Variants in NPHP1 observed in about 807,000 individuals in gnomAD.
NPHP1 encodes nephrocystin-1.
In NPHP1, 70 loss-of-function variants were observed where a neutral mutation model predicts 90.4. The observed-to-expected ratio is 0.77, with a 90% CI of 0.64 to 0.95. NPHP1 has a LOEUF of 0.95. Ranked by LOEUF, NPHP1 falls within the 40% of genes least tolerant of loss-of-function variation. NPHP1 has a pLI of 0.00. For synonymous variants in NPHP1, 256 were observed against 271.7 expected, an observed-to-expected ratio of 0.94 and a Z score of 0.57; for missense variants, 764 against 795.9, an observed-to-expected ratio of 0.96 and a Z score of 0.48.
chr2:110,201,689 C>T (rs543440273), intron 1 of NPHP1, among the ~76,000 whole-genome samples, 195 bp from the exon 2 acceptor site: 5 of 152,156 alleles, frequency 3.3e-5, no homozygotes, highest in South Asian at 2.1e-4. Flanking sequence ...TTGATCTATC[C>T]GTCAACCCAC....
chr2:110,136,293 A>G (rs1288330809), intron 16 of NPHP1, among the ~76,000 whole-genome samples: 1 of 152,202 alleles, frequency 6.6e-6, no homozygotes, highest in Non-Finnish European at 1.5e-5. Flanking sequence ...CACCACTCCT[A>G]TTCAACATAG....
intron 11 of NPHP1, among the ~76,000 whole-genome samples, chr2:110,154,228 C>T (rs552080401): frequency 2.0e-5 from 3 of 152,240 alleles, no homozygotes; most frequent in East Asian, 1.9e-4. Flanking sequence ...CTCTTGTCTG[C>T]CACCATTTGA....
intron 16 of NPHP1, among the ~76,000 whole-genome samples, chr2:110,141,375 A>C (rs1051446816): frequency 6.6e-6 from 1 of 152,076 alleles, no homozygotes; most frequent in African/African-American, 2.4e-5. Flanking sequence ...TTACACCTTT[A>C]TGGGGTTGAT....
Position 110,186,241 on chromosome 2 carries a change from T to A in NPHP1, c.144-6557A>T, listed in dbSNP as rs571691525. Among the ~76,000 whole-genome samples, 20 of 152,282 alleles carry A rather than the reference T, an allele frequency of 1.3e-4. No individual in the cohort carries two copies. In the South Asian group the frequency reaches 3.7e-3, roughly 28 times the overall value. ...CAACAGGCTGGTTGCTGGTTAGATT[T>A]TCTGAAACAGGAGGTAGAATTTTTC... On this transcript the variant is annotated intron_variant, in intron 2 of 19. Transcript: ENST00000445609.
At chr2:110,204,824 C>T (rs1450519747) in intron 1 of NPHP1, 76 bp downstream of exon 1, 1 of 1,482,974 alleles carries the variant, frequency 6.7e-7, no homozygotes, top group Non-Finnish European at 9.4e-7. Flanking sequence ...GGTGGGGTCA[C>T]GGTGGGAAGG....
intron 2 of NPHP1, among the ~76,000 whole-genome samples, chr2:110,186,059 C>G (rs932955688): frequency 1.3e-5 from 2 of 152,170 alleles, no homozygotes; most frequent in Non-Finnish European, 2.9e-5. Flanking sequence ...GTTTATAGCA[C>G]CTAAGCTTAG....
chr2:110,174,202 G>C (rs1339706322), intron 4 of NPHP1, among the ~76,000 whole-genome samples: 1 of 151,842 alleles, frequency 6.6e-6, no homozygotes, highest in East Asian at 1.9e-4. Context: ...TGTTGTAATT[G>C]GAGTGTTACT....
At chr2:110,183,900 C>A (rs116235817) in intron 2 of NPHP1, among the ~76,000 whole-genome samples, 1 of 152,054 alleles carries the variant, frequency 6.6e-6, no homozygotes, top group Non-Finnish European at 1.5e-5. Flanking sequence ...ATCAAGTAAT[C>A]GGAAATAAAA....
At chr2:110,138,546 G>T (rs1202786567) in intron 16 of NPHP1, among the ~76,000 whole-genome samples, 2 of 152,052 alleles carry the variant, frequency 1.3e-5, no homozygotes, top group Non-Finnish European at 2.9e-5. Context: ...GGATGCAGGG[G>T]ACCATTTCAG....
intron 12 of NPHP1, among the ~76,000 whole-genome samples, chr2:110,148,383 T>C (rs1681224714): frequency 6.6e-6 from 1 of 152,166 alleles, no homozygotes; most frequent in Non-Finnish European, 1.5e-5. Context: ...GTGCCATGCT[T>C]CCTGTACAGT....
At chr2:110,125,265 A>C (rs1486033445) in intron 19 of NPHP1, 1 of 1,536,088 alleles carries the variant, frequency 6.5e-7, no homozygotes, top group Non-Finnish European at 8.7e-7. Flanking sequence ...TGTTTTCAAT[A>C]TATGGTACAG....
chr2:110,155,583 T>G (rs762418657), intron 11 of NPHP1, among the ~76,000 whole-genome samples: 1 of 152,182 alleles, frequency 6.6e-6, no homozygotes, highest in East Asian at 1.9e-4. Context: ...TGAACCCACC[T>G]CTTACATCAG....
At position 110,124,054 on chromosome 2, in the gene NPHP1, C is replaced by T. The variant is rs1679178112; in HGVS notation, c.1771G>A (p.Glu591Lys). 2.5e-6 allele frequency: 4 copies of T among 1,613,912 alleles called. No individual in the cohort carries two copies. Among genetic ancestry groups the T allele is most frequent in the Non-Finnish European group, 3.4e-6 (4 of 1,179,956 alleles). ...AGGAGAAACGTGGACTTCAGGAACT[C>T]TTTGTCTCTCTGGGAAAACACCACC... is the stretch of plus-strand genomic sequence containing the variant. ...TLKRSEKRDK[E>K]FLKSTFLLVY... The change falls in exon 20 of 20, where the codon GAG (glutamate) becomes AAG (lysine). Residue 591 changes from glutamate to lysine, a missense_variant. Transcript: ENST00000445609.
rs780802757 is a variant in NPHP1 at position 110,164,669 on chromosome 2, C to G, written c.771+19G>C. On this transcript the variant is annotated intron_variant, in intron 8 of 19. Transcript: ENST00000445609. ...AGGTAGCAAAACGAGACATGATTAACAAGACAGAAGATGCCCGCCTCTGAA... is the reference window on the plus strand; with the variant it reads ...AGGTAGCAAAACGAGACATGATTAAGAAGACAGAAGATGCCCGCCTCTGAA... 6 of 1,613,958 alleles carry G rather than the reference C, an allele frequency of 3.7e-6. No homozygotes were observed. Among genetic ancestry groups the G allele is most frequent in the Non-Finnish European group, 5.1e-6 (6 of 1,179,946 alleles).
At chr2:110,139,685 G>T (rs1574076692) in intron 16 of NPHP1, among the ~76,000 whole-genome samples, 3 of 152,280 alleles carry the variant, frequency 2.0e-5, no homozygotes, top group Non-Finnish European at 2.9e-5. Flanking sequence ...CCTTGGCCTT[G>T]TCTCCACTGT....
At chr2:110,175,414 C>T (rs180995529) in intron 4 of NPHP1, among the ~76,000 whole-genome samples, 143 of 152,192 alleles carry the variant, frequency 9.4e-4, no homozygotes, top group Middle Eastern at 3.4e-3. Context: ...CAAATTTTCT[C>T]AGCTTTTGTT....
chr2:110,144,941 G>A (rs539694948), intron 14 of NPHP1, among the ~76,000 whole-genome samples: 1 of 151,906 alleles, frequency 6.6e-6, no homozygotes, highest in South Asian at 2.1e-4. Flanking sequence ...TTGAAATGAG[G>A]CCACTATGAA....
intron 18 of NPHP1, chr2:110,128,024 A>G (rs1025424578): frequency 6.6e-6 from 1 of 152,100 alleles, no homozygotes; most frequent in South Asian, 2.1e-4. Context: ...TGCCAGACGA[A>G]CTTATCTAAA....
intron 6 of NPHP1, 30 bp downstream of exon 6, chr2:110,168,422 T>C: frequency 7.1e-7 from 1 of 1,404,770 alleles, no homozygotes; most frequent in Non-Finnish European, 1.0e-6. Flanking sequence ...AAAAAAGTCT[T>C]AGAAAAGGAA....
Sources: gnomAD v4.1 joint callset for allele counts (sites outside exome capture counted in the v4.1 genomes callset) on GRCh38, gnomAD v4.1.1 for gene constraint, MANE v1.5 for transcripts, NCBI Gene and HGNC (gene_info 2026-07-23, HGNC 2026-07-21) for gene names.